SCFD2: variants seen among roughly 807,000 people sequenced by gnomAD.
The protein encoded by SCFD2 is sec1 family domain-containing protein 2.
SCFD2 carries 54 observed loss-of-function variants against 58.9 expected under a neutral mutation model. The ratio of observed to expected loss-of-function variants is 0.92; its 90% CI spans 0.74 to 1.15. The LOEUF is 1.15. SCFD2 is among the 50% of genes most tolerant of loss of function. The pLI is 0.00. For missense variants in SCFD2, 805 were observed against 836.6 expected, an observed-to-expected ratio of 0.96 and a Z score of 0.47; for synonymous variants, 321 against 335.9, an observed-to-expected ratio of 0.96 and a Z score of 0.49.
intron 3 of SCFD2, among the ~76,000 whole-genome samples, chr4:53,292,858 G>A (rs1230301174): frequency 6.6e-6 from 1 of 150,562 alleles, no homozygotes; most frequent in Non-Finnish European, 1.5e-5. Flanking sequence ...ATCATACACT[G>A]AGGCCTGTCA....
intron 5 of SCFD2, among the ~76,000 whole-genome samples, chr4:52,959,541 C>T (rs953761750): frequency 2.0e-5 from 3 of 152,222 alleles, no homozygotes; most frequent in Middle Eastern, 3.4e-3. Context: ...TTGTTAGAGA[C>T]TCTTCAAGAA....
intron 8 of SCFD2, among the ~76,000 whole-genome samples, chr4:52,882,965 T>C (rs551961597): frequency 1.1e-4 from 17 of 152,320 alleles, no homozygotes; most frequent in African/African-American, 3.6e-4. Flanking sequence ...GCACTAGCTA[T>C]GTCTATTATT....
At chr4:53,341,891 G>T (rs560022755) in intron 2 of SCFD2, among the ~76,000 whole-genome samples, 1 of 152,034 alleles carries the variant, frequency 6.6e-6, no homozygotes, top group Non-Finnish European at 1.5e-5. Context: ...AAAATCCTTT[G>T]CACACAAGCA....
intron 4 of SCFD2, among the ~76,000 whole-genome samples, chr4:53,242,209 A>G (rs6846461): frequency 0.72 from 109,762 of 152,184 alleles, 39,815 homozygotes; most frequent in Middle Eastern, 0.8. Flanking sequence ...TATGAAGTGC[A>G]TTGGCTGACA....
chr4:53,267,577 A>AG (rs1731029562), intron 4 of SCFD2, among the ~76,000 whole-genome samples: 2 of 152,120 alleles, frequency 1.3e-5, no homozygotes, highest in Non-Finnish European at 2.9e-5. Flanking sequence ...AATCTTATTT[A>AG]TTTATTTAAG....
At chr4:53,146,760 C>A (rs1339310115) in intron 4 of SCFD2, among the ~76,000 whole-genome samples, 1 of 152,134 alleles carries the variant, frequency 6.6e-6, no homozygotes, top group Admixed American at 6.5e-5. Context: ...TAGAGAGAGA[C>A]CCCATTCCTA....
intron 2 of SCFD2, among the ~76,000 whole-genome samples, chr4:53,319,554 A>T (rs143976278): frequency 9.8e-4 from 26 of 26,438 alleles, no homozygotes; most frequent in Middle Eastern, 0.026. Context: ...TTTTTTTTAG[A>T]AGGAGTCTCG....
At chr4:53,183,252 T>C (rs551889527) in intron 4 of SCFD2, among the ~76,000 whole-genome samples, 37 of 152,266 alleles carry the variant, frequency 2.4e-4, no homozygotes, top group African/African-American at 7.2e-4. Flanking sequence ...GGAACCAACC[T>C]AAATGTCCAA....
At chr4:53,209,093 C>T (rs1728524730) in intron 4 of SCFD2, among the ~76,000 whole-genome samples, 1 of 152,080 alleles carries the variant, frequency 6.6e-6, no homozygotes, top group Admixed American at 6.5e-5. Flanking sequence ...AGGAAAGTTC[C>T]AGGCAAACTG....
At chr4:53,284,268 C>T (rs1336496985) in intron 3 of SCFD2, among the ~76,000 whole-genome samples, 1 of 150,850 alleles carries the variant, frequency 6.6e-6, no homozygotes, top group African/African-American at 2.4e-5. Context: ...TGCCACATTA[C>T]CATACTATTA....
At chr4:53,116,616 A>T (rs1368313480) in intron 5 of SCFD2, among the ~76,000 whole-genome samples, 1 of 152,218 alleles carries the variant, frequency 6.6e-6, no homozygotes, top group Non-Finnish European at 1.5e-5. Context: ...GCACTTGCAG[A>T]GGTAAAGGAA....
At chr4:53,277,301 T>C (rs1354631814) in intron 3 of SCFD2, among the ~76,000 whole-genome samples, 8 of 152,360 alleles carry the variant, frequency 5.3e-5, no homozygotes, top group Admixed American at 5.2e-4. Context: ...TCTATTATAT[T>C]AAATATGTAA....
intron 4 of SCFD2, among the ~76,000 whole-genome samples, chr4:53,257,873 T>TA (rs997144447): frequency 1.8e-4 from 27 of 151,758 alleles, no homozygotes; most frequent in Non-Finnish European, 2.4e-4. Context: ...CTCTCTTTTT[T>TA]AAAAAAAACC....
chr4:53,064,127 T>C (rs1400325750), intron 5 of SCFD2, among the ~76,000 whole-genome samples: 1 of 152,098 alleles, frequency 6.6e-6, no homozygotes. Flanking sequence ...ATCTTTTATT[T>C]CAACTTTTAT....
chr4:53,004,519 A>G (rs1319662041), intron 5 of SCFD2, among the ~76,000 whole-genome samples: 1 of 152,210 alleles, frequency 6.6e-6, no homozygotes, highest in Non-Finnish European at 1.5e-5. Context: ...CAAGATAGGT[A>G]CTATTATGAT....
intron 5 of SCFD2, among the ~76,000 whole-genome samples, chr4:52,971,752 A>C (rs952408412): frequency 2.4e-4 from 37 of 152,356 alleles, no homozygotes; most frequent in Non-Finnish European, 2.1e-4. Context: ...AAAAATGTTC[A>C]GGGCAGCCAG....
chr4:52,942,425 A>G (rs1255221711), intron 5 of SCFD2, among the ~76,000 whole-genome samples: 1 of 152,150 alleles, frequency 6.6e-6, no homozygotes, highest in Non-Finnish European at 1.5e-5. Flanking sequence ...CTTAGCTGGA[A>G]GTGCTAACTT....
chr4:53,304,414 A>C (rs1285148208), intron 3 of SCFD2, among the ~76,000 whole-genome samples: 3 of 152,200 alleles, frequency 2.0e-5, no homozygotes, highest in Admixed American at 6.5e-5. Context: ...TAATATCCTG[A>C]AGAGTGTTTT....
chr4:53,027,473 C>T (rs1329491262), intron 5 of SCFD2, among the ~76,000 whole-genome samples: 1 of 152,196 alleles, frequency 6.6e-6, no homozygotes, highest in East Asian at 1.9e-4. Context: ...TCTTTAAGTT[C>T]TTCACCTGGA....
Sources: gnomAD v4.1 joint callset for allele counts (sites outside exome capture counted in the v4.1 genomes callset) on GRCh38, gnomAD v4.1.1 for gene constraint, MANE v1.5 for transcripts, NCBI Gene and HGNC (gene_info 2026-07-23, HGNC 2026-07-21) for gene names.